Variants in SPTAN1 observed in about 807,000 individuals in gnomAD.
SPTAN1 encodes the protein spectrin alpha chain, non-erythrocytic 1.
In SPTAN1, 61 loss-of-function variants were observed where a neutral mutation model predicts 331.3. That is an observed-to-expected ratio of 0.18 (90% CI 0.15 to 0.23). SPTAN1 has a LOEUF of 0.23. Among genes scored for constraint, SPTAN1 ranks in the 10% least tolerant of loss-of-function variants. SPTAN1 has a pLI of 1.00. For synonymous variants in SPTAN1, 1,153 were observed against 1,173.9 expected, an observed-to-expected ratio of 0.98 and a Z score of 0.36; for missense variants, 2,043 against 3,147.9, an observed-to-expected ratio of 0.65 and a Z score of 8.40.
In SPTAN1 at chr9:128,603,550, G is replaced by C. The variant is rs781124530; in HGVS notation, c.3587G>C (p.Arg1196Pro). ...GCTTTCCTCCCTACCTAGTCTGCTCGTCTGATGGTTCACACCGTGGCCACC... is the reference window on the plus strand; with the variant it reads ...GCTTTCCTCCCTACCTAGTCTGCTCCTCTGATGGTTCACACCGTGGCCACC... ...SKTASPWKSA[R>P]LMVHTVATFN... Residue 1196 changes from arginine to proline, a missense_variant, in exon 28 of 57, where the codon CGT becomes CCT. Physicochemically the swap from Arg to Pro is moderately radical, Grantham distance 103 (BLOSUM62 -2). Coordinates refer to ENST00000372739, the MANE Select transcript of SPTAN1 (RefSeq NM_001130438.3). 1.2e-5 allele frequency: 19 copies of C among 1,614,174 alleles called. No homozygotes were observed. The highest frequency in any genetic ancestry group is 1.6e-5 in the Non-Finnish European group (19 of 1,180,034).
Position 128,563,020 on chromosome 9 carries a change from ATATATATG to A in SPTAN1, c.-3-3710_-3-3703del, listed in dbSNP as rs1564188680. ...TATATATATATATATATATATATAT[ATATATATG>A]TATATATTTTATTACAAAAACTGCT... On this transcript the variant is annotated intron_variant, in intron 1 of 56. Coordinates refer to ENST00000372739, the MANE Select transcript of SPTAN1 (RefSeq NM_001130438.3). Among the ~76,000 whole-genome samples the A allele has an allele frequency of 2.7e-3, 342 of 126,170 alleles. 3 individuals carry two copies. The highest frequency in any genetic ancestry group is 9.5e-3 in the African/African-American group (320 of 33,776). 82.8% of individuals were successfully genotyped at this position (126,170 alleles called of 152,430 possible).
chr9:128,609,105 T>A lies in SPTAN1; in HGVS notation c.4596-17T>A. On this transcript the variant is annotated splice_polypyrimidine_tract_variant and intron_variant, in intron 35 of 56. Coordinates refer to ENST00000372739, the MANE Select transcript of SPTAN1 (RefSeq NM_001130438.3). ...TAAGATATGCTCATGTTGGATCTCA[T>A]GGTTTCACTCTTTCAGGTGGCGACG... is the stretch of plus-strand genomic sequence containing the variant. 1 of 1,614,228 alleles carries A rather than the reference T, an allele frequency of 6.2e-7. No individual in the cohort carries two copies. The highest frequency in any genetic ancestry group is 8.5e-7 in the Non-Finnish European group (1 of 1,180,042).
In SPTAN1 at chr9:128,625,011, A is replaced by G; in HGVS notation, c.5993-92A>G. ...TAGGAAGATTGGGATTTATCTGTAC[A>G]CAAAAAATGGTTTGTCTGGGTTTTG... On this transcript the variant is annotated intron_variant, in intron 46 of 56. Transcript: ENST00000372739. This position sits in a 1 kb window ranked among gnomAD's most constrained non-coding sequence, Gnocchi z 4.1. 2 of 1,242,478 alleles carry G rather than the reference A, an allele frequency of 1.6e-6. No individual in the cohort carries two copies. Among genetic ancestry groups the G allele is most frequent in the Non-Finnish European group, 2.4e-6 (2 of 844,980 alleles). The allele number at this position is 1,242,478 out of a possible 1,614,324, so 77.0% of individuals were successfully genotyped here.
At chr9:128,631,908 G>A in intron 52 of SPTAN1, 1 of 588,148 alleles carries the variant, frequency 1.7e-6, no homozygotes, top group South Asian at 2.0e-5. Context: ...AGGTCTACCA[G>A]CTGCTTTGGA....
chr9:128,589,144 C>T (rs1273470044), intron 21 of SPTAN1, among the ~76,000 whole-genome samples: 3 of 152,136 alleles, frequency 2.0e-5, no homozygotes, highest in Non-Finnish European at 4.4e-5. Context: ...TTCTTGAATA[C>T]CTGCAAGAAG....
At chr9:128,624,855 T>A (rs1276907522) in intron 46 of SPTAN1, 1 of 591,638 alleles carries the variant, frequency 1.7e-6, no homozygotes, top group Non-Finnish European at 3.0e-6. Context: ...GATATCGGGG[T>A]CCACGTGTCC....
chr9:128,574,170 A>G (rs1851042404), intron 3 of SPTAN1, among the ~76,000 whole-genome samples: 1 of 151,984 alleles, frequency 6.6e-6, no homozygotes, highest in Non-Finnish European at 1.5e-5. Context: ...AATTTGGAAT[A>G]CATCCTTCAG....
In SPTAN1 at chr9:128,625,052, A is replaced by C. The variant is rs749451493; in HGVS notation, c.5993-51A>C. The C allele has an allele frequency of 6.5e-7, 1 of 1,548,936 alleles. No individual in the cohort carries two copies. The highest frequency in any genetic ancestry group is 1.1e-5 in the South Asian group (1 of 89,860). ...CTGGGTTTTGATGTTTTTCCTTTCTAATCCATCTCCACTGAGGAGGGCAGT... is the reference window on the plus strand; with the variant it reads ...CTGGGTTTTGATGTTTTTCCTTTCTCATCCATCTCCACTGAGGAGGGCAGT... On this transcript the variant is annotated intron_variant, in intron 46 of 56. Transcript: ENST00000372739. The surrounding 1 kb of genome is among the most constrained non-coding windows in gnomAD (Gnocchi z 4.1).
At chr9:128,621,389 C>G (rs985180895) in intron 45 of SPTAN1, 133 bp downstream of exon 45, 5 of 745,434 alleles carry the variant, frequency 6.7e-6, no homozygotes, top group Non-Finnish European at 1.2e-5. Flanking sequence ...AGCAGCAATT[C>G]CATTCCTGTG....
At position 128,632,959 on chromosome 9, in the gene SPTAN1, T is replaced by G; in HGVS notation, c.7308+4T>G. The G allele has an allele frequency of 6.2e-7, 1 of 1,611,546 alleles. No homozygotes were observed. The highest frequency in any genetic ancestry group is 8.5e-7 in the Non-Finnish European group (1 of 1,180,012). ...GACCAAGGAGGAGCTCTACCAGGTA[T>G]GGGCCTCAGGAGGTGGGTGAAGAGG... On this transcript the variant is annotated splice_donor_region_variant and intron_variant, in intron 56 of 56. Coordinates refer to ENST00000372739, the MANE Select transcript of SPTAN1 (RefSeq NM_001130438.3).
chr9:128,632,180 C>T lies in SPTAN1; in HGVS notation c.6816C>T (p.Asp2272=). The T allele has an allele frequency of 1.2e-6, 2 of 1,613,500 alleles. No individual in the cohort carries two copies. Among genetic ancestry groups the T allele is most frequent in the East Asian group, 4.5e-5 (2 of 44,882 alleles). Residue 2272 remains aspartate (D), a synonymous_variant, in exon 53 of 57, where the codon GAC becomes GAT. Transcript: ENST00000372739. ...AMRSQLKKIE[D]LGAAMEEALI... The stretch of plus-strand genomic sequence containing the variant: ...GAAGTCAGCTCAAAAAGATCGAGGA[C>T]CTGGGGGCCGCCATGGAGGAGGCCC...
intron 5 of SPTAN1, among the ~76,000 whole-genome samples, chr9:128,576,422 C>T (rs1002353713): frequency 1.3e-5 from 2 of 152,058 alleles, no homozygotes; most frequent in African/African-American, 4.8e-5. Context: ...AACTCTTGAG[C>T]CCCGAAAATT....
chr9:128,631,934 G>A (rs1415520989), intron 52 of SPTAN1, 193 bp from the exon 53 acceptor site: 1 of 622,470 alleles, frequency 1.6e-6, no homozygotes, highest in Non-Finnish European at 2.8e-6. Flanking sequence ...CACATTGAAA[G>A]TCTCTCCCTC....
At position 128,626,417 on chromosome 9, in the gene SPTAN1, C is replaced by T. The variant is rs1270972514; in HGVS notation, c.6306C>T (p.Ala2102=). The change falls in exon 49 of 57, where the codon GCC becomes GCT. Residue 2102 remains alanine, a synonymous_variant. Transcript: ENST00000372739. Reference sequence around the variant, plus strand: ...TGGAGGACCTCTTCCTGACCTTCGCCAAAAAGGCTTCTGCCTTCAACAGCT... The same window carrying T: ...TGGAGGACCTCTTCCTGACCTTCGCTAAAAAGGCTTCTGCCTTCAACAGCT... ...RKVEDLFLTF[A]KKASAFNSWF... 1 of 1,614,156 alleles carries T rather than the reference C, an allele frequency of 6.2e-7. No individual in the cohort carries two copies. The highest frequency in any genetic ancestry group is 1.1e-5 in the South Asian group (1 of 91,084).
intron 27 of SPTAN1, among the ~76,000 whole-genome samples, chr9:128,602,865 A>G (rs1386817425): frequency 6.6e-6 from 1 of 151,516 alleles, no homozygotes; most frequent in African/African-American, 2.4e-5. Flanking sequence ...CAAACTCCTG[A>G]CCTCAGGTGA....
At chr9:128,584,225 T>C in intron 16 of SPTAN1, 57 bp from the exon 17 acceptor site, 7 of 1,612,838 alleles carry the variant, frequency 4.3e-6, no homozygotes, top group South Asian at 1.1e-5. Flanking sequence ...AATTTTTCTC[T>C]GTATACGATA....
intron 1 of SPTAN1, among the ~76,000 whole-genome samples, chr9:128,560,503 C>T (rs776918984): frequency 1.8e-4 from 27 of 151,978 alleles, no homozygotes; most frequent in Non-Finnish European, 3.5e-4. Context: ...GCCCCAGCCT[C>T]CTGAGTAGAT....
At chr9:128,587,755 T>G (rs1382133813) in intron 20 of SPTAN1, 57 bp downstream of exon 20, 8 of 1,429,980 alleles carry the variant, frequency 5.6e-6, no homozygotes, top group Non-Finnish European at 7.9e-6. Flanking sequence ...ACTCAGATAC[T>G]GTCAGCAGGT....
intron 27 of SPTAN1, among the ~76,000 whole-genome samples, chr9:128,600,974 CTT>C (rs60290370): frequency 5.1e-3 from 210 of 40,822 alleles, no homozygotes; most frequent in African/African-American, 0.012. Flanking sequence ...GGGAGAAAGT[CTT>C]TTTTTTTTTT....
Sources: allele counts gnomAD v4.1 joint callset (sites outside exome capture counted in the v4.1 genomes callset), GRCh38; gene constraint gnomAD v4.1.1; non-coding constraint Gnocchi (gnomAD v3.1); transcripts MANE v1.5; gene names NCBI Gene and HGNC (gene_info 2026-07-23, HGNC 2026-07-21).